Variants in ACY1 observed in about 807,000 individuals in gnomAD.
The protein encoded by ACY1 is aminoacylase 1, also known as aminoacylase-1.
ACY1 carries 38 observed loss-of-function variants against 53.3 expected under a neutral mutation model. The ratio of observed to expected loss-of-function variants is 0.71; its 90% CI spans 0.55 to 0.93. The LOEUF (loss-of-function observed/expected upper bound fraction) is 0.93. ACY1 is among the 40% of genes least tolerant of loss of function. The pLI, the probability that ACY1 is intolerant of heterozygous loss-of-function variation, is 0.00. For missense variants in ACY1, 484 were observed against 540.9 expected (o/e 0.89, Z 1.04); for synonymous variants, 177 against 202.1 (o/e 0.88, Z 1.05).
At chr3:51,986,057 T>C (rs1185474574) in intron 5 of ACY1, 111 bp downstream of exon 5, 2 of 1,184,636 alleles carry the variant, frequency 1.7e-6, no homozygotes. Context: ...CACCGTGACC[T>C]CTTGGACAGG....
At chr3:51,986,357 G>GA (rs768036150) in intron 6 of ACY1, 26 bp downstream of exon 6, 118 of 785,172 alleles carry the variant, frequency 1.5e-4, no homozygotes, top group Non-Finnish European at 2.1e-4. Flanking sequence ...ATACCTTTGG[G>GA]AAAGGGGAGG....
intron 12 of ACY1, chr3:51,987,979 C>T: frequency 3.1e-6 from 1 of 319,564 alleles, no homozygotes; most frequent in East Asian, 8.4e-5. Context: ...AATTCTTGTG[C>T]CTCAGCCTCC....
Position 51,988,909 on chromosome 3 carries a change from A to T in ACY1, c.1063-2A>T. ...CCTAACGGCTCTTCCTCACCCCTGC[A>T]GGTGGGGGTCCCAGCTCTAGGCTTC... On this transcript the variant is annotated splice_acceptor_variant, in intron 14 of 14. Transcript: ENST00000636358. LOFTEE classifies it high-confidence loss of function. 6.2e-7 allele frequency: 1 copy of T among 1,614,196 alleles called. No homozygotes were observed. Among genetic ancestry groups the T allele is most frequent in the Non-Finnish European group, 8.5e-7 (1 of 1,180,036 alleles).
Position 51,989,037 on chromosome 3 carries a change from G to A in ACY1, c.1189G>A (p.Ala397Thr), listed in dbSNP as rs1701178579. ...GGACATATATACACGCCTGCTGCCTGCCCTTGCCAGTGTGCCTGCCCTGCC... is the reference window on the plus strand; with the variant it reads ...GGACATATATACACGCCTGCTGCCTACCCTTGCCAGTGTGCCTGCCCTGCC... ...GVDIYTRLLPALASVPALPSD... is the reference protein window; with the variant it reads ...GVDIYTRLLPTLASVPALPSD... Residue 397 changes from alanine to threonine, a missense_variant, in exon 15 of 15, where the codon GCC becomes ACC. Transcript: ENST00000636358. 1.9e-6 allele frequency: 3 copies of A among 1,614,018 alleles called. No homozygotes were observed. The highest frequency in any genetic ancestry group is 2.5e-6 in the Non-Finnish European group (3 of 1,180,028).
chr3:51,988,707 T>G, intron 13 of ACY1, 59 bp from the exon 14 acceptor site: 1 of 1,597,144 alleles, frequency 6.3e-7, no homozygotes, highest in Non-Finnish European at 8.6e-7. Flanking sequence ...CCCACCTTCC[T>G]TTGCCCCTTC....
intron 5 of ACY1, 102 bp downstream of exon 5, chr3:51,986,048 A>G: frequency 8.1e-7 from 1 of 1,227,784 alleles, no homozygotes; most frequent in South Asian, 1.3e-5. Flanking sequence ...GCCAAGGAAC[A>G]CCGTGACCTC....
chr3:51,987,677 G>A (rs1304497872), intron 12 of ACY1, 53 bp downstream of exon 12: 1 of 1,566,846 alleles, frequency 6.4e-7, no homozygotes, highest in African/African-American at 1.3e-5. Flanking sequence ...GGAGACCCAA[G>A]TGTGCAACAG....
intron 5 of ACY1, 63 bp from the exon 6 acceptor site, chr3:51,986,192 C>A: frequency 6.4e-7 from 1 of 1,562,542 alleles, no homozygotes; most frequent in South Asian, 1.1e-5. Flanking sequence ...CCTGCTGGCC[C>A]TGCCTGTGGG....
chr3:51,984,431 T>C, intron 2 of ACY1: 1 of 528,468 alleles, frequency 1.9e-6, no homozygotes, highest in Non-Finnish European at 3.4e-6. Context: ...GCAGGAGTGG[T>C]GGGGGAAGCC....
At position 51,985,390 on chromosome 3, in the gene ACY1, G is replaced by A. The variant is rs762427492; in HGVS notation, c.189G>A (p.Leu63=). The A allele has an allele frequency of 6.2e-7, 1 of 1,614,110 alleles. No individual in the cohort carries two copies. The highest frequency in any genetic ancestry group is 1.1e-5 in the South Asian group (1 of 91,066). The part of the protein sequence containing the change: ...EVAPGYVVTV[L]TWPGTNPTLS... ...CACCTGGCTATGTGGTGACCGTGTT[G>A]ACCTGGCCAGGCACCAACCCTACAC... Residue 63 remains leucine, a synonymous_variant, in exon 4 of 15, where the codon TTG becomes TTA. Transcript: ENST00000636358.
In ACY1 at chr3:51,987,396, A is replaced by G. The variant is rs1577730055; in HGVS notation, c.795A>G (p.Ile265Met). Residue 265 changes from isoleucine to methionine, a missense_variant, in exon 11 of 15, where the codon ATA (isoleucine) becomes ATG (methionine). By Grantham distance (10) the Ile-to-Met change is conservative. Transcript: ENST00000636358. ...AGGGTGGCGTGGCCTATAACGTGAT[A>G]CCTGCCACCATGAGCGCCAGCTTTG... ...KLEGGVAYNV[I>M]PATMSASFDF... The G allele has an allele frequency of 6.2e-7, 1 of 1,614,068 alleles. No individual in the cohort carries two copies. Among genetic ancestry groups the G allele is most frequent in the African/African-American group, 1.3e-5 (1 of 75,014 alleles).
rs1265514727 is a variant in ACY1 at position 51,986,446 on chromosome 3, GCTGTT to G, written c.470_474del (p.Leu157ArgfsTer5). On this transcript the variant is annotated frameshift_variant, in exon 7 of 15. Coordinates refer to ENST00000636358, the MANE Select transcript of ACY1 (RefSeq NM_000666.3). LOFTEE classifies it high-confidence loss of function. ...AGGTTGGGGGTCACCAAGGCATGGAGCTGTTCGTGCAGCGGCCTGAGTTCCACGCC... is the reference window on the plus strand; with the variant it reads ...AGGTTGGGGGTCACCAAGGCATGGAGCGTGCAGCGGCCTGAGTTCCACGCC... 1 of 1,613,212 alleles carries G rather than the reference GCTGTT, an allele frequency of 6.2e-7. No individual in the cohort carries two copies. Among genetic ancestry groups the G allele is most frequent in the South Asian group, 1.1e-5 (1 of 90,990 alleles).
intron 2 of ACY1, 107 bp downstream of exon 2, chr3:51,984,265 C>A: frequency 9.7e-7 from 1 of 1,035,482 alleles, no homozygotes. Flanking sequence ...ACTCTGCTGT[C>A]CCAAATGGCT....
At position 51,988,551 on chromosome 3, in the gene ACY1, A is replaced by C; in HGVS notation, c.949A>C (p.Thr317Pro). 1.2e-6 allele frequency: 2 copies of C among 1,614,120 alleles called. No individual in the cohort carries two copies. The highest frequency in any genetic ancestry group is 3.3e-4 in the Middle Eastern group (2 of 6,062). The change falls in exon 13 of 15, where the codon ACT (threonine) becomes CCT (proline). Residue 317 changes from threonine (T) to proline (P), a missense_variant. By Grantham distance (38) the Thr-to-Pro change is conservative (BLOSUM62 -1). Coordinates refer to ENST00000636358, the MANE Select transcript of ACY1 (RefSeq NM_000666.3). ...QKWMHPQVTPTDDSNPWWAAF... is the reference protein window; with the variant it reads ...QKWMHPQVTPPDDSNPWWAAF... ...GTGGATGCACCCCCAAGTGACACCT[A>C]CTGATGACTCAAACCCTTGGTGGGC...
At chr3:51,984,654 A>G in intron 2 of ACY1, 1 of 262,662 alleles carries the variant, frequency 3.8e-6, no homozygotes, top group South Asian at 4.3e-5. Flanking sequence ...GTCTCTACAG[A>G]AAAAATACAA....
At position 51,985,368 on chromosome 3, in the gene ACY1, C is replaced by T; in HGVS notation, c.167C>T (p.Pro56Leu). 1 of 1,614,196 alleles carries T rather than the reference C, an allele frequency of 6.2e-7. No individual in the cohort carries two copies. Among genetic ancestry groups the T allele is most frequent in the Non-Finnish European group, 8.5e-7 (1 of 1,180,036 alleles). The change falls in exon 4 of 15, where the codon CCT becomes CTT. Residue 56 changes from proline (P) to leucine (L), a missense_variant. Coordinates refer to ENST00000636358, the MANE Select transcript of ACY1 (RefSeq NM_000666.3). ...CCTCCTGACCATCTCCAGGTGGCAC[C>T]TGGCTATGTGGTGACCGTGTTGACC... is the stretch of plus-strand genomic sequence containing the variant. ...GLGCQKVEVAPGYVVTVLTWP... is the reference protein window; with the variant it reads ...GLGCQKVEVALGYVVTVLTWP...
chr3:51,986,591 C>T lies in ACY1; in HGVS notation c.527-14C>T. On this transcript the variant is annotated splice_polypyrimidine_tract_variant and intron_variant, in intron 7 of 14. Coordinates refer to ENST00000636358, the MANE Select transcript of ACY1 (RefSeq NM_000666.3). Reference sequence around the variant, plus strand: ...TGAGCTGCTCCACCCTCTGAACCCCCTTTCCCTCCTCAGGCATAGCCAATC... The same window carrying T: ...TGAGCTGCTCCACCCTCTGAACCCCTTTTCCCTCCTCAGGCATAGCCAATC... 6.2e-7 allele frequency: 1 copy of T among 1,614,206 alleles called. No homozygotes were observed. Among genetic ancestry groups the T allele is most frequent in the Non-Finnish European group, 8.5e-7 (1 of 1,180,024 alleles).
chr3:51,985,750 C>T (rs1701032655), intron 4 of ACY1, 102 bp from the exon 5 acceptor site: 1 of 1,044,320 alleles, frequency 9.6e-7, no homozygotes, highest in Non-Finnish European at 1.5e-6. Context: ...CCACCTGTCA[C>T]TCCAACCCTA....
rs1426965149 is a variant in ACY1, at chr3:51,988,811, C to T, written c.1047C>T (p.Asn349=). The T allele has an allele frequency of 1.2e-6, 2 of 1,614,228 alleles. No individual in the cohort carries two copies. The change falls in exon 14 of 15, where the codon AAC becomes AAT. Residue 349 remains asparagine (N), a synonymous_variant. Transcript: ENST00000636358. ...AGATCATGCCTGCTGCCACTGACAACCGCTATATCCGCGCGGTGAGCCACT... is the reference window on the plus strand; with the variant it reads ...AGATCATGCCTGCTGCCACTGACAATCGCTATATCCGCGCGGTGAGCCACT... ...EPEIMPAATD[N]RYIRAVGVPA... is the part of the protein sequence containing the mutation.
Sources: gnomAD v4.1 joint callset for allele counts on GRCh38, gnomAD v4.1.1 for gene constraint, MANE v1.5 for transcripts, NCBI Gene and HGNC (gene_info 2026-07-23, HGNC 2026-07-21) for gene names.